PDE6D: variants seen among roughly 807,000 people sequenced by gnomAD.
PDE6D encodes the protein retinal rod rhodopsin-sensitive cGMP 3',5'-cyclic phosphodiesterase subunit delta.
In PDE6D, 10 loss-of-function variants were observed where a neutral mutation model predicts 21.9. That is an observed-to-expected ratio of 0.46 (90% confidence interval 0.28 to 0.78). PDE6D has a LOEUF of 0.78. Ranked by LOEUF, PDE6D falls within the 30% of genes least tolerant of loss-of-function variation. The pLI is 0.12. For missense variants in PDE6D, 139 were observed against 184.8 expected (o/e 0.75, Z 1.44); for synonymous variants, 59 against 63.5 (o/e 0.93, Z 0.34).
intron 1 of PDE6D, among the ~76,000 whole-genome samples, chr2:231,747,742 T>C (rs1488443814): frequency 6.6e-6 from 1 of 152,150 alleles, no homozygotes; most frequent in Non-Finnish European, 1.5e-5. Context: ...CTTAACTCTT[T>C]CTCCAATACA....
chr2:231,769,541 C>A (rs190037395), intron 1 of PDE6D, among the ~76,000 whole-genome samples: 2 of 151,752 alleles, frequency 1.3e-5, no homozygotes, highest in Admixed American at 1.3e-4. Flanking sequence ...CACACACACA[C>A]AGAGATATGT....
At chr2:231,771,112 C>A (rs1458385563) in intron 1 of PDE6D, among the ~76,000 whole-genome samples, 1 of 151,254 alleles carries the variant, frequency 6.6e-6, no homozygotes, top group Non-Finnish European at 1.5e-5. Flanking sequence ...CCTCTGCCTC[C>A]CGGGTTCAAG....
At chr2:231,778,008 C>T (rs2049070902) in intron 1 of PDE6D, among the ~76,000 whole-genome samples, 1 of 152,210 alleles carries the variant, frequency 6.6e-6, no homozygotes, top group Non-Finnish European at 1.5e-5. Flanking sequence ...TGGCTCATGC[C>T]TGTAATCCCA....
intron 1 of PDE6D, among the ~76,000 whole-genome samples, chr2:231,772,218 C>T (rs1014176365): frequency 6.6e-6 from 1 of 152,056 alleles, no homozygotes; most frequent in African/African-American, 2.4e-5. Context: ...CCTTCAGTTC[C>T]CCCATTATTG....
At chr2:231,766,993 C>CAAAA (rs3038045) in intron 1 of PDE6D, among the ~76,000 whole-genome samples, 1,469 of 36,628 alleles carry the variant, frequency 0.04, 142 homozygotes, top group Non-Finnish European at 0.057. Context: ...GACTCCGTCT[C>CAAAA]AAAAAAAAAA....
At chr2:231,767,020 C>T (rs1230516052) in intron 1 of PDE6D, among the ~76,000 whole-genome samples, 1 of 106,818 alleles carries the variant, frequency 9.4e-6, no homozygotes, top group East Asian at 2.3e-4. Flanking sequence ...AAAAAAAAAG[C>T]TAAGTCAAAG....
chr2:231,744,434 C>CTTT (rs71396691), intron 1 of PDE6D, among the ~76,000 whole-genome samples: 1 of 136,214 alleles, frequency 7.3e-6, no homozygotes, highest in South Asian at 2.4e-4. Flanking sequence ...AATTGCTTTT[C>CTTT]TTTTTTTTTT....
Position 231,776,815 on chromosome 2 carries a change from G to A in PDE6D, c.50+4250C>T, listed in dbSNP as rs546178883. On this transcript the variant is annotated intron_variant, in intron 1 of 4. Transcript: ENST00000287600. The stretch of plus-strand genomic sequence containing the variant: ...AATCAAATCCAAAATATTTGCAGGA[G>A]AATCATATTGTTCCCCAAGTAACAT... Among the ~76,000 whole-genome samples the A allele has an allele frequency of 1.9e-4, 29 of 152,256 alleles. 1 individual carries two copies. In the South Asian group the frequency reaches 5.8e-3, roughly 30 times the overall value.
At chr2:231,774,177 C>T (rs2049036817) in intron 1 of PDE6D, among the ~76,000 whole-genome samples, 2 of 152,232 alleles carry the variant, frequency 1.3e-5, no homozygotes, top group Middle Eastern at 6.8e-3. Context: ...AGGTGATCCA[C>T]CCACCTCGGC....
At chr2:231,758,939 T>A (rs1052131574) in intron 1 of PDE6D, among the ~76,000 whole-genome samples, 1 of 152,100 alleles carries the variant, frequency 6.6e-6, no homozygotes, top group Admixed American at 6.5e-5. Context: ...AAAAAAATTA[T>A]AGCCACTAAA....
intron 3 of PDE6D, 109 bp downstream of exon 3, chr2:231,737,904 G>T: frequency 9.3e-7 from 1 of 1,077,318 alleles, no homozygotes. Context: ...ACCACAAACT[G>T]AGTTGTAAAA....
chr2:231,778,747 T>C (rs1419388083), intron 1 of PDE6D: 3 of 152,256 alleles, frequency 2.0e-5, no homozygotes, highest in Non-Finnish European at 4.4e-5. Flanking sequence ...TAGTCCAGTA[T>C]AGCTCTTAAC....
At chr2:231,733,188 T>A (rs1256698370) in intron 4 of PDE6D, among the ~76,000 whole-genome samples, 155 bp from the exon 5 acceptor site, 2 of 152,184 alleles carry the variant, frequency 1.3e-5, no homozygotes, top group Non-Finnish European at 2.9e-5. Context: ...CTTGTCTATA[T>A]GGGGCTACAA....
chr2:231,777,927 G>T (rs1278155861), intron 1 of PDE6D, among the ~76,000 whole-genome samples: 1 of 152,188 alleles, frequency 6.6e-6, no homozygotes, highest in African/African-American at 2.4e-5. Context: ...GGATAAGAAA[G>T]ATCTTTTTAA....
chr2:231,741,388 T>G (rs911471516), intron 1 of PDE6D, among the ~76,000 whole-genome samples: 9 of 151,968 alleles, frequency 5.9e-5, no homozygotes, highest in Non-Finnish European at 1.3e-4. Context: ...CTTAAGAAAC[T>G]AAGGAAAATA....
intron 1 of PDE6D, among the ~76,000 whole-genome samples, chr2:231,765,417 G>A (rs1200455436): frequency 6.6e-6 from 1 of 152,144 alleles, no homozygotes; most frequent in Non-Finnish European, 1.5e-5. Flanking sequence ...CAGCTGAATT[G>A]CAAGTAACAA....
At chr2:231,743,715 C>CT (rs61034935) in intron 1 of PDE6D, among the ~76,000 whole-genome samples, 50,227 of 148,904 alleles carry the variant, frequency 0.34, 8,686 homozygotes, top group African/African-American at 0.44. Context: ...TCAAACTCCA[C>CT]TTTTTTTTTT....
At chr2:231,741,855 C>T (rs1190501926) in intron 1 of PDE6D, among the ~76,000 whole-genome samples, 1 of 152,118 alleles carries the variant, frequency 6.6e-6, no homozygotes, top group Non-Finnish European at 1.5e-5. Context: ...ATATAATTTA[C>T]CTGGGAGGAT....
At chr2:231,733,435 C>T (rs1248368729) in intron 4 of PDE6D, among the ~76,000 whole-genome samples, 2 of 152,166 alleles carry the variant, frequency 1.3e-5, no homozygotes, top group African/African-American at 2.4e-5. Flanking sequence ...ACAGTACTCA[C>T]AATAGTCGAA....
Sources: allele counts gnomAD v4.1 joint callset (sites outside exome capture counted in the v4.1 genomes callset), GRCh38; gene constraint gnomAD v4.1.1; transcripts MANE v1.5; gene names NCBI Gene and HGNC (gene_info 2026-07-23, HGNC 2026-07-21).